Variants in CCDC3 observed in about 807,000 individuals in gnomAD.
CCDC3 encodes the protein coiled-coil domain containing 3.
A neutral mutation model predicts 21.4 loss-of-function variants in CCDC3; 24 were observed. The observed-to-expected ratio is 1.12, with a 90% CI of 0.81 to 1.58. The LOEUF (loss-of-function observed/expected upper bound fraction) is 1.58. CCDC3 is among the 40% of genes most tolerant of loss of function. The probability of loss-of-function intolerance (pLI) is 0.00; values close to 1 mark genes in which losing one functional copy is unlikely to be tolerated. For missense variants in CCDC3, 425 were observed against 360.9 expected (o/e 1.18, Z -1.44); for synonymous variants, 186 against 166.0 (o/e 1.12, Z -0.93).
intron 2 of CCDC3, among the ~76,000 whole-genome samples, chr10:12,934,714 C>A (rs1393290890): frequency 6.6e-6 from 1 of 152,136 alleles, no homozygotes; most frequent in Non-Finnish European, 1.5e-5. Context: ...ATATCTGATA[C>A]CTTTTCTTGC....
At chr10:13,007,476 T>C (rs938398924) in intron 5 of CCDC3, among the ~76,000 whole-genome samples, 10 of 152,242 alleles carry the variant, frequency 6.6e-5, no homozygotes, top group African/African-American at 2.4e-4. Flanking sequence ...ACTTTGGTTC[T>C]GCCTGGAGTC....
chr10:13,067,186 C>T (rs561258267), intron 4 of CCDC3, among the ~76,000 whole-genome samples: 9 of 152,356 alleles, frequency 5.9e-5, no homozygotes, highest in East Asian at 1.9e-4. Context: ...GTGGGTTCCC[C>T]GCTCCCCTCC....
intron 5 of CCDC3, among the ~76,000 whole-genome samples, chr10:13,024,949 T>C (rs1220512899): frequency 2.0e-5 from 3 of 152,208 alleles, no homozygotes; most frequent in Admixed American, 6.5e-5. Context: ...CCATATTTCT[T>C]CATTCCTTCT....
intron 5 of CCDC3, among the ~76,000 whole-genome samples, chr10:13,048,202 AT>A (rs59959644): frequency 0.016 from 2,405 of 151,060 alleles, 59 homozygotes; most frequent in African/African-American, 0.055. Flanking sequence ...GGTCCCAATT[AT>A]TTTTTTTTAG....
chr10:13,000,440 G>C (rs893039254), intron 1 of CCDC3, among the ~76,000 whole-genome samples: 4 of 152,070 alleles, frequency 2.6e-5, no homozygotes, highest in African/African-American at 9.7e-5. Context: ...GAAGATTCCA[G>C]TGGTCTATAA....
chr10:13,092,241 A>G lies in CCDC3; in HGVS notation c.-503+6284T>C, dbSNP rs139727088. Among the ~76,000 whole-genome samples, 1,309 of 152,382 alleles carry G rather than the reference A, an allele frequency of 8.6e-3. 13 individuals carry two copies. The highest frequency in any genetic ancestry group is 0.012 in the Non-Finnish European group (828 of 68,036). On this transcript the variant is annotated intron_variant, in intron 3 of 6. Coordinates refer to the CCDC3 transcript ENST00000378839. ...GAAATCATTTTATAAAAAGATTCAC[A>G]GAGACTCTTCTCTTGTTTCTATAAT...
At chr10:13,094,176 T>C (rs946563084) in intron 3 of CCDC3, among the ~76,000 whole-genome samples, 3 of 152,096 alleles carry the variant, frequency 2.0e-5, no homozygotes, top group African/African-American at 7.2e-5. Flanking sequence ...TATCTATTAT[T>C]TACAGAGGGC....
intron 2 of CCDC3, among the ~76,000 whole-genome samples, chr10:12,986,698 G>C (rs181945260): frequency 6.6e-6 from 1 of 151,724 alleles, no homozygotes; most frequent in Admixed American, 6.6e-5. Flanking sequence ...GGCGTGACGC[G>C]GGAGGCGGAG....
intron 5 of CCDC3, among the ~76,000 whole-genome samples, chr10:13,011,487 G>C (rs1287815198): frequency 6.6e-6 from 1 of 152,072 alleles, no homozygotes; most frequent in Non-Finnish European, 1.5e-5. Context: ...CCAGGGAGGT[G>C]AAAGATCTCT....
At chr10:13,028,277 GCCTGCCA>G (rs1836250766) in intron 5 of CCDC3, among the ~76,000 whole-genome samples, 1 of 152,048 alleles carries the variant, frequency 6.6e-6, no homozygotes, top group South Asian at 2.1e-4. Flanking sequence ...ACACACTCCT[GCCTGCCA>G]CCATGTAAGA....
chr10:12,968,818 A>G (rs1445279083), intron 2 of CCDC3, among the ~76,000 whole-genome samples: 1 of 152,192 alleles, frequency 6.6e-6, no homozygotes, highest in Non-Finnish European at 1.5e-5. Context: ...TCTTTTATGT[A>G]AGCCTCAAGG....
At position 12,917,180 on chromosome 10, in the gene CCDC3, C is replaced by CTT. The variant is rs56054100; in HGVS notation, c.550-18503_550-18502dup. Among the ~76,000 whole-genome samples the CTT allele has an allele frequency of 7.4e-4, 43 of 58,236 alleles. 3 individuals carry two copies. Among genetic ancestry groups the CTT allele is most frequent in the African/African-American group, 2.9e-3 (43 of 14,798 alleles). The allele number at this position is 58,236 out of a possible 152,430, so 38.2% of individuals were successfully genotyped here. ...GTTGGAAATGTCCTTATTTCTTCTT[C>CTT]TTTTTTTTTTTTTTTTTTTTTTTTT... is the stretch of plus-strand genomic sequence containing the variant. On this transcript the variant is annotated intron_variant, in intron 2 of 2. Transcript: ENST00000378825.
intron 4 of CCDC3, chr10:13,058,161 T>C (rs1836706828): frequency 2.0e-6 from 2 of 982,626 alleles, no homozygotes; most frequent in Admixed American, 1.7e-5. Flanking sequence ...TTGCGAGGGA[T>C]AGACAAGCCT....
At chr10:12,933,229 ATTTC>A (rs566022605) in intron 2 of CCDC3, among the ~76,000 whole-genome samples, 59 of 152,164 alleles carry the variant, frequency 3.9e-4, no homozygotes, top group African/African-American at 1.3e-3. Context: ...AGCTGGTACA[ATTTC>A]TTTCTTACGT....
At chr10:12,910,621 T>C (rs1430771474) in intron 2 of CCDC3, among the ~76,000 whole-genome samples, 1 of 150,908 alleles carries the variant, frequency 6.6e-6, no homozygotes, top group East Asian at 1.9e-4. Flanking sequence ...ATTTTTTTTT[T>C]TTTTTTGACA....
At chr10:12,960,908 T>C (rs768545151) in intron 2 of CCDC3, among the ~76,000 whole-genome samples, 6 of 152,142 alleles carry the variant, frequency 3.9e-5, no homozygotes, top group Non-Finnish European at 8.8e-5. Flanking sequence ...AACGTAGGGA[T>C]GTTGTGGTGA....
At chr10:12,911,194 T>G (rs1196050082) in intron 2 of CCDC3, among the ~76,000 whole-genome samples, 1 of 125,444 alleles carries the variant, frequency 8.0e-6, no homozygotes, top group Non-Finnish European at 1.6e-5. Flanking sequence ...CTAATGAGGC[T>G]GTTGCATCAC....
intron 2 of CCDC3, among the ~76,000 whole-genome samples, chr10:12,944,533 G>A (rs936500944): frequency 1.3e-5 from 2 of 152,288 alleles, no homozygotes; most frequent in South Asian, 2.1e-4. Context: ...GTCTTTGCCT[G>A]CAATGTCTGT....
chr10:12,914,953 T>G (rs2131208412), intron 2 of CCDC3, among the ~76,000 whole-genome samples: 1 of 152,354 alleles, frequency 6.6e-6, no homozygotes, highest in East Asian at 1.9e-4. Context: ...CAAGTTCTTT[T>G]TTGATGCAGG....
Sources: gnomAD v4.1 joint callset for allele counts (sites outside exome capture counted in the v4.1 genomes callset) on GRCh38, gnomAD v4.1.1 for gene constraint, MANE v1.5 for transcripts, NCBI Gene and HGNC (gene_info 2026-07-23, HGNC 2026-07-21) for gene names.